The following ZNF492 variants were observed in gnomAD, a reference collection of about 807,000 sequenced individuals.
ZNF492 encodes the protein zinc finger protein 492.
Under a neutral mutation model 6.4 loss-of-function variants are expected in ZNF492, and 3 were observed. The ratio of observed to expected loss-of-function variants is 0.47; its 90% CI spans 0.21 to 1.22. The LOEUF (loss-of-function observed/expected upper bound fraction) is 1.22. Among genes scored for constraint, ZNF492 ranks in the 50% most tolerant of loss-of-function variants. ZNF492 has a pLI of 0.22. For missense variants in ZNF492, 356 were observed against 612.5 expected (o/e 0.58, Z 4.42); for synonymous variants, 112 against 205.3 (o/e 0.55, Z 3.89).
intron 1 of ZNF492, among the ~76,000 whole-genome samples, chr19:22,647,062 T>C (rs1229136698): frequency 6.7e-6 from 1 of 149,998 alleles, no homozygotes; most frequent in Non-Finnish European, 1.5e-5. Flanking sequence ...GCTAATTTTT[T>C]GTACTTTTAG....
chr19:22,651,166 C>G (rs1337369171), intron 1 of ZNF492, among the ~76,000 whole-genome samples: 1 of 151,998 alleles, frequency 6.6e-6, no homozygotes, highest in Non-Finnish European at 1.5e-5. Context: ...TCCCCTGCCC[C>G]GTGTGGCTCT....
In ZNF492 at chr19:22,667,525, A is replaced by G. The variant is rs1250729717; in HGVS notation, c.*2260A>G. 6.6e-6 allele frequency: 1 copy of G among 152,024 alleles called. No homozygotes were observed. Among genetic ancestry groups the G allele is most frequent in the Non-Finnish European group, 1.5e-5 (1 of 67,984 alleles). 9.4% of individuals were successfully genotyped at this position (152,024 alleles called of 1,614,324 possible). A position where few individuals can be genotyped will look rare whatever the true frequency, so the allele number is the denominator to read the frequency against. ...ATCACCTTTAGAATTTATTTTTTGT[A>G]TTATGAACAGTTCAATTGTACAGTT... On this transcript the variant is annotated 3_prime_UTR_variant, in exon 4 of 4. Coordinates refer to ENST00000456783, the MANE Select transcript of ZNF492 (RefSeq NM_020855.3).
In ZNF492 at chr19:22,665,094, A is replaced by G. The variant is rs1172188594; in HGVS notation, c.1425A>G (p.Lys475=). 6.2e-7 allele frequency: 1 copy of G among 1,607,818 alleles called. No homozygotes were observed. The highest frequency in any genetic ancestry group is 8.5e-7 in the Non-Finnish European group (1 of 1,179,388). The change falls in exon 4 of 4, where the codon AAA becomes AAG. Residue 475 remains lysine (K), a synonymous_variant. Coordinates refer to ENST00000456783, the MANE Select transcript of ZNF492 (RefSeq NM_020855.3). ...ATAAGATGATTCATACTGGAGAGAA[A>G]CCCTACAAGTGTGAAGAATGTGGCA... The part of the protein sequence containing the change: ...TTHKMIHTGE[K]PYKCEECGKA...
At chr19:22,653,503 G>GTT (rs1971963166) in intron 2 of ZNF492, 70 bp downstream of exon 2, 1 of 1,562,750 alleles carries the variant, frequency 6.4e-7, no homozygotes, top group Non-Finnish European at 8.6e-7. Flanking sequence ...TTGTAGAATG[G>GTT]TTTTTGGTAA....
chr19:22,652,779 C>T (rs1467581463), intron 1 of ZNF492, among the ~76,000 whole-genome samples: 5 of 152,072 alleles, frequency 3.3e-5, no homozygotes, highest in African/African-American at 9.7e-5. Flanking sequence ...CAGGGTTTCA[C>T]CGTGTTAGCC....
intron 3 of ZNF492, among the ~76,000 whole-genome samples, chr19:22,660,487 G>A (rs1354329244): frequency 2.0e-5 from 3 of 150,378 alleles, no homozygotes; most frequent in African/African-American, 7.4e-5. Flanking sequence ...TTTTAATTTG[G>A]TATAAAATAA....
intron 1 of ZNF492, among the ~76,000 whole-genome samples, chr19:22,650,931 T>C (rs1338795847): frequency 1.3e-5 from 2 of 152,084 alleles, no homozygotes; most frequent in African/African-American, 4.8e-5. Context: ...ATAGCTGTAG[T>C]GCTGGTCACC....
intron 3 of ZNF492, among the ~76,000 whole-genome samples, chr19:22,662,254 G>T (rs1477618735): frequency 6.6e-6 from 1 of 152,104 alleles, no homozygotes; most frequent in African/African-American, 2.4e-5. Context: ...CCCTGCAAAG[G>T]ACATGAACTC....
intron 1 of ZNF492, among the ~76,000 whole-genome samples, chr19:22,641,459 G>C (rs1406377829): frequency 1.3e-5 from 2 of 152,152 alleles, no homozygotes; most frequent in African/African-American, 4.8e-5. Flanking sequence ...TGTGGCCTCT[G>C]TGTGTGGTTC....
chr19:22,647,554 A>G (rs28787949), intron 1 of ZNF492, among the ~76,000 whole-genome samples: 28,747 of 149,730 alleles, frequency 0.19, 3,589 homozygotes, highest in African/African-American at 0.36. Context: ...GTGAGCCACC[A>G]CGCCTGGCCC....
chr19:22,648,414 T>A, intron 1 of ZNF492, among the ~76,000 whole-genome samples: 1 of 152,224 alleles, frequency 6.6e-6, no homozygotes, highest in East Asian at 1.9e-4. Context: ...GAGAAGAATG[T>A]ATATTCTGTT....
intron 1 of ZNF492, among the ~76,000 whole-genome samples, chr19:22,650,634 G>A (rs1454019141): frequency 6.6e-6 from 1 of 152,098 alleles, no homozygotes; most frequent in African/African-American, 2.4e-5. Context: ...TGGAGTTCCT[G>A]CAGAGTGGCC....
chr19:22,636,103 AT>A (rs11460492), intron 1 of ZNF492, among the ~76,000 whole-genome samples: 138 of 146,384 alleles, frequency 9.4e-4, no homozygotes, highest in Non-Finnish European at 7.8e-4. Flanking sequence ...TTACTTAAAT[AT>A]TTTTTTTTTT....
At position 22,664,966 on chromosome 19, in the gene ZNF492, T is replaced by G. The variant is rs766396858; in HGVS notation, c.1297T>G (p.Ser433Ala). 30 of 1,607,318 alleles carry G rather than the reference T, an allele frequency of 1.9e-5. No individual in the cohort carries two copies. Among genetic ancestry groups the G allele is most frequent in the Non-Finnish European group, 2.4e-5 (28 of 1,177,166 alleles). Residue 433 changes from serine (S) to alanine (A), a missense_variant, in exon 4 of 4, where the codon TCC (serine) becomes GCC (alanine). Physicochemically the swap from Ser to Ala is moderately conservative, Grantham distance 99 (BLOSUM62 1). This residue lies in a region of ZNF492 where 81 missense variants were observed against 115.4 expected (regional missense o/e 0.70). Transcript: ENST00000456783. The stretch of plus-strand genomic sequence containing the variant: ...AGAATGTGGCAAAGCTTTTAACCAG[T>G]CCTCAACTCTTTCTAAACATAAGGT... ...CEECGKAFNQSSTLSKHKVIH... is the reference protein window; with the variant it reads ...CEECGKAFNQASTLSKHKVIH...
chr19:22,642,377 CT>C (rs1568352397), intron 1 of ZNF492, among the ~76,000 whole-genome samples: 1 of 133,940 alleles, frequency 7.5e-6, no homozygotes, highest in Non-Finnish European at 1.6e-5. Flanking sequence ...CTAAATAAAC[CT>C]TTTGTCTTTT....
intron 1 of ZNF492, among the ~76,000 whole-genome samples, chr19:22,641,706 T>G (rs112541314): frequency 1.2e-4 from 18 of 152,318 alleles, no homozygotes; most frequent in Admixed American, 2.0e-4. Flanking sequence ...TGTTGTAGTC[T>G]CCCACTATTA....
intron 1 of ZNF492, among the ~76,000 whole-genome samples, chr19:22,638,849 G>T (rs368224811): frequency 3.8e-4 from 57 of 151,580 alleles, no homozygotes; most frequent in Non-Finnish European, 1.2e-4. Context: ...TTTTTTGTTT[G>T]TTTGTTTGTT....
rs569458943 is a variant in ZNF492, at chr19:22,635,148, C to T, written c.-94+674C>T. ...AGTTAAGCCTGAATTTTGTTTCCCCCAATGTAGTAATTTCTAAAAAAAAAA... is the reference window on the plus strand; with the variant it reads ...AGTTAAGCCTGAATTTTGTTTCCCCTAATGTAGTAATTTCTAAAAAAAAAA... On this transcript the variant is annotated intron_variant, in intron 1 of 3. Transcript: ENST00000456783. 4.2e-3 allele frequency among the ~76,000 whole-genome samples: 630 copies of T among 151,518 alleles called. 4 individuals carry two copies. Among genetic ancestry groups the T allele is most frequent in the Non-Finnish European group, 5.8e-3 (391 of 67,928 alleles).
At chr19:22,637,872 T>C (rs1159045815) in intron 1 of ZNF492, among the ~76,000 whole-genome samples, 1 of 152,220 alleles carries the variant, frequency 6.6e-6, no homozygotes, top group Non-Finnish European at 1.5e-5. Flanking sequence ...CTCTGTAACC[T>C]TGCCAGCATC....
Sources: gnomAD v4.1 joint callset for allele counts (sites outside exome capture counted in the v4.1 genomes callset) on GRCh38, gnomAD v4.1.1 for gene constraint, gnomAD v4.1.1 regional missense constraint, MANE v1.5 for transcripts, NCBI Gene and HGNC (gene_info 2026-07-23, HGNC 2026-07-21) for gene names.